CSMD1: variants seen among roughly 807,000 people sequenced by gnomAD.
The protein encoded by CSMD1 is CUB and Sushi multiple domains 1, also known as CUB and sushi domain-containing protein 1.
Under a neutral mutation model 417.5 loss-of-function variants are expected in CSMD1, and 213 were observed. The ratio of observed to expected loss-of-function variants is 0.51; its 90% CI spans 0.46 to 0.57. The LOEUF (loss-of-function observed/expected upper bound fraction) is 0.57. CSMD1 is among the 20% of genes least tolerant of loss of function. CSMD1 has a pLI of 0.00. For synonymous variants in CSMD1, 2,862 were observed against 1,736.8 expected (o/e 1.65, Z -16.11); for missense variants, 6,923 against 4,529.7 (o/e 1.53, Z -15.17).
intron 1 of CSMD1, among the ~76,000 whole-genome samples, chr8:4,665,977 T>C (rs929794756): frequency 6.6e-6 from 1 of 152,180 alleles, no homozygotes; most frequent in South Asian, 2.1e-4. Flanking sequence ...ATTAGGAATA[T>C]GTAATATTGC....
intron 5 of CSMD1, among the ~76,000 whole-genome samples, chr8:3,955,908 C>T (rs1301725138): frequency 6.6e-5 from 10 of 152,206 alleles, no homozygotes; most frequent in Admixed American, 6.5e-4. Flanking sequence ...CAACCTTTGC[C>T]TCCCGGGTTA....
intron 3 of CSMD1, among the ~76,000 whole-genome samples, chr8:4,061,240 G>A (rs1484061557): frequency 1.3e-5 from 2 of 152,160 alleles, no homozygotes; most frequent in East Asian, 1.9e-4. Context: ...GGAAAGAGGA[G>A]CTGTTCTAAG....
At chr8:4,545,349 C>T (rs1482051608) in intron 2 of CSMD1, among the ~76,000 whole-genome samples, 1 of 152,152 alleles carries the variant, frequency 6.6e-6, no homozygotes, top group African/African-American at 2.4e-5. Context: ...ATTTATTATT[C>T]TTTCGTTTTA....
intron 41 of CSMD1, among the ~76,000 whole-genome samples, chr8:3,139,996 G>A (rs368376494): frequency 9.4e-5 from 14 of 149,728 alleles, no homozygotes; most frequent in East Asian, 6.0e-4. Context: ...TCCGCCTCCC[G>A]AGTTCAAGTG....
intron 5 of CSMD1, among the ~76,000 whole-genome samples, chr8:3,987,035 G>A (rs1043918624): frequency 1.4e-4 from 22 of 152,256 alleles, no homozygotes; most frequent in African/African-American, 5.1e-4. Flanking sequence ...GATTACAGAC[G>A]TGAATCACCG....
At chr8:3,590,345 T>C (rs1487860595) in intron 8 of CSMD1, among the ~76,000 whole-genome samples, 2 of 152,180 alleles carry the variant, frequency 1.3e-5, no homozygotes, top group African/African-American at 2.4e-5. Flanking sequence ...CTTAGGCTGT[T>C]TCTATTAGAC....
chr8:3,253,484 G>A (rs546685139), intron 26 of CSMD1, among the ~76,000 whole-genome samples: 1 of 152,170 alleles, frequency 6.6e-6, no homozygotes, highest in Non-Finnish European at 1.5e-5. Flanking sequence ...GTGGTGTGGT[G>A]CTGAAAAGAA....
intron 1 of CSMD1, among the ~76,000 whole-genome samples, chr8:4,776,094 A>G (rs1159097364): frequency 6.6e-6 from 1 of 152,138 alleles, no homozygotes; most frequent in African/African-American, 2.4e-5. Context: ...TTGAAGAAGC[A>G]GGCACCGGCC....
intron 5 of CSMD1, among the ~76,000 whole-genome samples, chr8:3,901,373 G>C (rs1044785707): frequency 6.6e-6 from 1 of 152,174 alleles, no homozygotes; most frequent in Non-Finnish European, 1.5e-5. Context: ...GATTGGAAGT[G>C]AAGATGGGCA....
Position 3,707,885 on chromosome 8 carries a change from T to C in CSMD1, c.1009+529A>G, listed in dbSNP as rs370038658. 2.1e-3 allele frequency among the ~76,000 whole-genome samples: 318 copies of C among 152,308 alleles called. 1 individual carries two copies. The highest frequency in any genetic ancestry group is 7.5e-3 in the African/African-American group (311 of 41,582). On this transcript the variant is annotated intron_variant, in intron 7 of 69. Transcript: ENST00000635120. ...GACACCTTCATTCCTCCCACAGCTA[T>C]TGATCTGGTATCTACCAGGTCCTGG...
rs186269076 is a variant in CSMD1, at chr8:3,757,621, G to A, written c.819-3579C>T. 3.3e-5 allele frequency among the ~76,000 whole-genome samples: 5 copies of A among 152,236 alleles called. No homozygotes were observed. The East Asian group carries it at 7.8e-4, about 24-fold the overall frequency. On this transcript the variant is annotated intron_variant, in intron 5 of 69. Transcript: ENST00000635120. ...CTCACCCCTGTAATCCCAGCACTTT[G>A]GGATGCCAAGGTGGGTGGATCACCT...
chr8:3,012,569 GA>G (rs959418451), intron 52 of CSMD1, among the ~76,000 whole-genome samples: 6 of 151,862 alleles, frequency 4.0e-5, no homozygotes, highest in South Asian at 4.2e-4. Context: ...ACAATTCAGG[GA>G]AAAAAAATGC....
At chr8:4,482,834 C>T (rs965537607) in intron 2 of CSMD1, among the ~76,000 whole-genome samples, 1 of 152,080 alleles carries the variant, frequency 6.6e-6, no homozygotes, top group East Asian at 1.9e-4. Context: ...CAAATCAATA[C>T]TAAAACTCTT....
At chr8:3,939,112 T>A (rs182108835) in intron 5 of CSMD1, among the ~76,000 whole-genome samples, 6 of 152,126 alleles carry the variant, frequency 3.9e-5, no homozygotes, top group African/African-American at 1.2e-4. Flanking sequence ...TGAGAGTTTA[T>A]TGAATTACAG....
At chr8:4,403,411 G>T (rs560769889) in intron 3 of CSMD1, among the ~76,000 whole-genome samples, 89 of 152,160 alleles carry the variant, frequency 5.8e-4, no homozygotes, top group African/African-American at 2.1e-3. Flanking sequence ...TTGAACCACA[G>T]AAGTAAGAGT....
chr8:4,681,612 T>C (rs1806057522), intron 1 of CSMD1, among the ~76,000 whole-genome samples: 1 of 152,194 alleles, frequency 6.6e-6, no homozygotes, highest in South Asian at 2.1e-4. Context: ...TGGTAAATAT[T>C]ACTCTGTGGC....
In CSMD1 at chr8:3,884,976, C is replaced by T. The variant is rs1806459066; in HGVS notation, c.818+112927G>A. Among the ~76,000 whole-genome samples, 3 of 148,138 alleles carry T rather than the reference C, an allele frequency of 2.0e-5. No homozygotes were observed. In the Admixed American group the frequency reaches 2.0e-4, roughly 10 times the overall value. On this transcript the variant is annotated intron_variant, in intron 5 of 69. Coordinates refer to ENST00000635120, the MANE Select transcript of CSMD1 (RefSeq NM_033225.6). ...ACACACACATTCAGAAGGCATCATTCATATATATATATATGCACCTATCAA... is the reference window on the plus strand; with the variant it reads ...ACACACACATTCAGAAGGCATCATTTATATATATATATATGCACCTATCAA...
chr8:3,752,218 C>T (rs1704413153), intron 6 of CSMD1, among the ~76,000 whole-genome samples: 1 of 151,698 alleles, frequency 6.6e-6, no homozygotes, highest in Non-Finnish European at 1.5e-5. Context: ...CCTGGCCTGG[C>T]TCCAGGTGAA....
chr8:3,308,404 C>CAACTGTACAGAACTA lies in CSMD1; in HGVS notation c.3716_3730dup (p.Ser1243_Cys1244insLeuValLeuTyrSer). 6.2e-7 allele frequency: 1 copy of CAACTGTACAGAACTA among 1,613,806 alleles called. No homozygotes were observed. Among genetic ancestry groups the CAACTGTACAGAACTA allele is most frequent in the Non-Finnish European group, 8.5e-7 (1 of 1,179,794 alleles). On this transcript the variant is annotated inframe_insertion, in exon 24 of 70. Coordinates refer to ENST00000635120, the MANE Select transcript of CSMD1 (RefSeq NM_033225.6). ...GCCATGCATGGCGTACCCCGGGTTG[C>CAACTGTACAGAACTA]AACTGTACAGAACTACAGTGTCGGT... is the stretch of plus-strand genomic sequence containing the variant.
Sources: gnomAD v4.1 joint callset for allele counts (sites outside exome capture counted in the v4.1 genomes callset) on GRCh38, gnomAD v4.1.1 for gene constraint, MANE v1.5 for transcripts, NCBI Gene and HGNC (gene_info 2026-07-23, HGNC 2026-07-21) for gene names.